SLIT3: variants seen among roughly 807,000 people sequenced by gnomAD.
SLIT3 encodes the protein slit homolog 3 protein.
SLIT3 carries 68 observed loss-of-function variants against 184.0 expected under a neutral mutation model. The observed-to-expected ratio is 0.37, with a 90% CI of 0.30 to 0.45. The LOEUF is 0.45. SLIT3 is among the 20% of genes least tolerant of loss of function. The probability of loss-of-function intolerance (pLI) is 1.00; values close to 1 mark genes in which losing one functional copy is unlikely to be tolerated. For synonymous variants in SLIT3, 831 were observed against 828.6 expected, an observed-to-expected ratio of 1.00 and a Z score of -0.05; for missense variants, 1,707 against 2,026.0, an observed-to-expected ratio of 0.84 and a Z score of 3.02.
intron 4 of SLIT3, among the ~76,000 whole-genome samples, chr5:168,952,534 A>AAAAAAAAAAAAAAAG (rs1561570021): frequency 8.3e-5 from 5 of 60,306 alleles, no homozygotes; most frequent in African/African-American, 3.7e-4. Flanking sequence ...ATGCCAAAAA[A>AAAAAAAAAAAAAAAG]AAAAAAAAAA....
At chr5:168,695,798 G>C (rs990731667) in intron 28 of SLIT3, among the ~76,000 whole-genome samples, 1 of 152,116 alleles carries the variant, frequency 6.6e-6, no homozygotes, top group Non-Finnish European at 1.5e-5. Context: ...GCTTATAGAT[G>C]TTATGTTCTC....
At chr5:168,864,042 CA>C (rs34983916) in intron 5 of SLIT3, among the ~76,000 whole-genome samples, 5,137 of 98,088 alleles carry the variant, frequency 0.052, 80 homozygotes, top group East Asian at 0.084. Context: ...TAAAAAAATA[CA>C]AAAAAAAAAA....
intron 29 of SLIT3, among the ~76,000 whole-genome samples, chr5:168,690,852 T>C (rs1761886652): frequency 6.6e-6 from 1 of 152,118 alleles, no homozygotes; most frequent in Non-Finnish European, 1.5e-5. Context: ...AGGCTTGTGA[T>C]GTGAAAATAG....
chr5:168,902,697 A>C (rs1760911296), intron 4 of SLIT3, among the ~76,000 whole-genome samples: 1 of 152,226 alleles, frequency 6.6e-6, no homozygotes, highest in Non-Finnish European at 1.5e-5. Context: ...CCTGTGCTTT[A>C]AATAACCCCT....
intron 4 of SLIT3, among the ~76,000 whole-genome samples, chr5:169,118,157 G>A (rs1379448190): frequency 1.3e-5 from 2 of 152,310 alleles, no homozygotes; most frequent in East Asian, 1.9e-4. Flanking sequence ...TAGCCTAGGC[G>A]ACAGAGTAAG....
intron 4 of SLIT3, among the ~76,000 whole-genome samples, chr5:169,113,219 T>C (rs1760475352): frequency 6.6e-6 from 1 of 152,148 alleles, no homozygotes; most frequent in South Asian, 2.1e-4. Context: ...TAGCAGCTCC[T>C]CATTTGCCCT....
In SLIT3 at chr5:168,798,220, C is replaced by CTTTTTTTTTTTTTTTTTTTTTTTTT. The variant is rs575178855; in HGVS notation, c.936-2643_936-2642insAAAAAAAAAAAAAAAAAAAAAAAAA. ...CTTTTGGTTTTCTTTTCTTCTTCTT[C>CTTTTTTTTTTTTTTTTTTTTTTTTT]TTCTTTTTTTTTTTTTTTTAAGAGA... On this transcript the variant is annotated intron_variant, in intron 9 of 35. Transcript: ENST00000519560. Among the ~76,000 whole-genome samples, 39 of 112,248 alleles carry CTTTTTTTTTTTTTTTTTTTTTTTTT rather than the reference C, an allele frequency of 3.5e-4. 2 individuals are homozygous for CTTTTTTTTTTTTTTTTTTTTTTTTT. Among genetic ancestry groups the CTTTTTTTTTTTTTTTTTTTTTTTTT allele is most frequent in the African/African-American group, 1.3e-3 (32 of 24,090 alleles). The allele number at this position is 112,248 out of a possible 152,430, so 73.6% of individuals were successfully genotyped here.
At chr5:168,668,202 A>G (rs1278943241) in intron 35 of SLIT3, among the ~76,000 whole-genome samples, 1 of 152,176 alleles carries the variant, frequency 6.6e-6, no homozygotes, top group Non-Finnish European at 1.5e-5. Context: ...GTCAGACCAA[A>G]GAACTGGCTT....
intron 4 of SLIT3, among the ~76,000 whole-genome samples, chr5:169,148,085 G>A (rs987459332): frequency 2.0e-4 from 30 of 152,256 alleles, no homozygotes; most frequent in African/African-American, 6.7e-4. Flanking sequence ...ATATCTCCAC[G>A]TACCAGGTTC....
chr5:168,873,888 C>A (rs991961259), intron 5 of SLIT3, among the ~76,000 whole-genome samples: 1 of 152,018 alleles, frequency 6.6e-6, no homozygotes, highest in African/African-American at 2.4e-5. Flanking sequence ...AGAATCAGAA[C>A]ATCAACGAAT....
intron 14 of SLIT3, among the ~76,000 whole-genome samples, chr5:168,768,480 T>A (rs765297862): frequency 3.3e-5 from 5 of 152,086 alleles, no homozygotes; most frequent in Non-Finnish European, 7.4e-5. Flanking sequence ...TGGATGCCCA[T>A]ACTCGGGAGC....
intron 1 of SLIT3, among the ~76,000 whole-genome samples, chr5:169,256,477 A>G (rs1299602027): frequency 6.6e-6 from 1 of 152,190 alleles, no homozygotes; most frequent in Non-Finnish European, 1.5e-5. Context: ...GTGCAAGTGC[A>G]CTCATGACTT....
intron 3 of SLIT3, among the ~76,000 whole-genome samples, chr5:169,195,079 A>G (rs1349498857): frequency 6.6e-6 from 1 of 152,160 alleles, no homozygotes; most frequent in Non-Finnish European, 1.5e-5. Flanking sequence ...GAGTGAATTG[A>G]GTATGGCCTA....
intron 6 of SLIT3, among the ~76,000 whole-genome samples, chr5:168,824,579 A>G (rs1757639145): frequency 1.3e-5 from 2 of 152,206 alleles, no homozygotes; most frequent in South Asian, 4.1e-4. Flanking sequence ...TTCAGTGACT[A>G]CCCAGGTGGA....
At chr5:169,054,001 G>T (rs1452837928) in intron 4 of SLIT3, among the ~76,000 whole-genome samples, 1 of 152,084 alleles carries the variant, frequency 6.6e-6, no homozygotes, top group South Asian at 2.1e-4. Context: ...TGAGGCAGGA[G>T]AATCTCTTGA....
chr5:169,247,937 A>G (rs887282461), intron 2 of SLIT3, among the ~76,000 whole-genome samples: 15 of 152,156 alleles, frequency 9.9e-5, no homozygotes, highest in Admixed American at 8.5e-4. Flanking sequence ...AAGACCATCA[A>G]GAAGTTTTTT....
intron 1 of SLIT3, among the ~76,000 whole-genome samples, chr5:169,257,398 C>T (rs1466070948): frequency 6.6e-6 from 1 of 150,578 alleles, no homozygotes; most frequent in African/African-American, 2.4e-5. Context: ...CACCCCGCCC[C>T]ACAACCATTT....
intron 4 of SLIT3, among the ~76,000 whole-genome samples, chr5:169,108,602 G>A (rs968524073): frequency 3.9e-5 from 6 of 152,168 alleles, no homozygotes; most frequent in African/African-American, 1.4e-4. Context: ...TTGAGGTCTT[G>A]AGGAATGGTT....
intron 3 of SLIT3, among the ~76,000 whole-genome samples, chr5:169,200,449 T>C (rs1476847519): frequency 6.6e-6 from 1 of 152,160 alleles, no homozygotes; most frequent in East Asian, 1.9e-4. Flanking sequence ...CAAGCAGCTT[T>C]GTTATCTAGT....
Sources: gnomAD v4.1 joint callset for allele counts (sites outside exome capture counted in the v4.1 genomes callset) on GRCh38, gnomAD v4.1.1 for gene constraint, MANE v1.5 for transcripts, NCBI Gene and HGNC (gene_info 2026-07-23, HGNC 2026-07-21) for gene names.